The following GLCCI1 variants were observed in gnomAD, a reference collection of about 807,000 sequenced individuals.
GLCCI1 encodes glucocorticoid-induced transcript 1 protein.
Under a neutral mutation model 52.2 loss-of-function variants are expected in GLCCI1, and 24 were observed. The observed-to-expected ratio is 0.46, with a 90% CI of 0.33 to 0.65. The LOEUF is 0.65. Ranked by LOEUF, GLCCI1 falls within the 30% of genes least tolerant of loss-of-function variation. The probability of loss-of-function intolerance (pLI) is 0.02; values close to 1 mark genes in which losing one functional copy is unlikely to be tolerated. For missense variants in GLCCI1, 704 were observed against 701.5 expected, an observed-to-expected ratio of 1.00 and a Z score of -0.04; for synonymous variants, 310 against 276.5, an observed-to-expected ratio of 1.12 and a Z score of -1.20.
chr7:8,040,689 A>G (rs1781978080), intron 3 of GLCCI1, among the ~76,000 whole-genome samples: 1 of 152,208 alleles, frequency 6.6e-6, no homozygotes, highest in African/African-American at 2.4e-5. Flanking sequence ...TAGTTTCTCA[A>G]AAAGGTAAAC....
chr7:8,018,859 C>A (rs1781428025), intron 2 of GLCCI1, among the ~76,000 whole-genome samples: 2 of 152,036 alleles, frequency 1.3e-5, no homozygotes, highest in African/African-American at 2.4e-5. Context: ...CTTTTAACAC[C>A]AAAGGCATGG....
At chr7:8,013,101 G>A (rs1253295586) in intron 2 of GLCCI1, among the ~76,000 whole-genome samples, 1 of 152,132 alleles carries the variant, frequency 6.6e-6, no homozygotes, top group East Asian at 1.9e-4. Flanking sequence ...TTTATTTCTG[G>A]CTGCTGTATT....
At chr7:8,073,634 T>C (rs573220181) in intron 6 of GLCCI1, among the ~76,000 whole-genome samples, 5 of 152,334 alleles carry the variant, frequency 3.3e-5, no homozygotes, top group African/African-American at 1.2e-4. Context: ...TCATTGAGGT[T>C]ACATGAGATA....
Position 7,986,299 on chromosome 7 carries a change from T to G in GLCCI1, c.457+16492T>G, listed in dbSNP as rs185635633. Among the ~76,000 whole-genome samples the G allele has an allele frequency of 8.7e-3, 1,319 of 151,938 alleles. 20 individuals are homozygous for G. Among genetic ancestry groups the G allele is most frequent in the African/African-American group, 0.03 (1,234 of 41,422 alleles). ...AGGCTGAGGCAGGCGGATCATGAGG[T>G]CAGGAGATGAAGACTATCCTGGCTA... On this transcript the variant is annotated intron_variant, in intron 1 of 7. Transcript: ENST00000223145.
rs112047406 is a variant in GLCCI1 at position 8,053,339 on chromosome 7, G to GTTT, written c.697-2092_697-2090dup. On this transcript the variant is annotated intron_variant, in intron 3 of 7. Transcript: ENST00000223145. ...CGTTTTTTTTTTTGTTTGTTTGTTT[G>GTTT]TTTTGAGACAGTCTCGCACTGTCGC... Among the ~76,000 whole-genome samples the GTTT allele has an allele frequency of 2.1e-4, 28 of 134,400 alleles. 2 individuals are homozygous for GTTT. Among genetic ancestry groups the GTTT allele is most frequent in the Non-Finnish European group, 3.0e-4 (19 of 64,066 alleles). 88.2% of individuals were successfully genotyped at this position (134,400 alleles called of 152,430 possible).
intron 3 of GLCCI1, among the ~76,000 whole-genome samples, chr7:8,031,085 C>T (rs1025243285): frequency 2.6e-5 from 4 of 152,136 alleles, no homozygotes; most frequent in Non-Finnish European, 5.9e-5. Flanking sequence ...GATATCTGCA[C>T]TCCTATGTTT....
intron 3 of GLCCI1, among the ~76,000 whole-genome samples, chr7:8,052,948 A>C (rs1337582446): frequency 6.6e-6 from 1 of 152,136 alleles, no homozygotes. Flanking sequence ...TGTCTTCTTC[A>C]GTCCTTGAGG....
intron 1 of GLCCI1, among the ~76,000 whole-genome samples, chr7:7,978,675 T>G (rs1780548409): frequency 6.6e-6 from 1 of 152,148 alleles, no homozygotes; most frequent in Non-Finnish European, 1.5e-5. Flanking sequence ...TGGATAAAGT[T>G]TCTCATAACA....
intron 1 of GLCCI1, among the ~76,000 whole-genome samples, chr7:7,985,300 G>C (rs956345481): frequency 6.6e-6 from 1 of 152,058 alleles, no homozygotes; most frequent in Non-Finnish European, 1.5e-5. Flanking sequence ...AATAGCATGC[G>C]CACCCTAAAG....
chr7:8,001,269 A>G (rs1781044767), intron 1 of GLCCI1, among the ~76,000 whole-genome samples: 1 of 152,200 alleles, frequency 6.6e-6, no homozygotes, highest in Non-Finnish European at 1.5e-5. Flanking sequence ...GCTTATCTGT[A>G]AAGAATTTTA....
chr7:7,997,946 TA>T (rs2115421924), intron 1 of GLCCI1, among the ~76,000 whole-genome samples: 1 of 145,188 alleles, frequency 6.9e-6, no homozygotes, highest in East Asian at 2.0e-4. Context: ...AATAAATAAA[TA>T]AATAAATAAA....
chr7:8,075,428 C>T (rs1329605412), intron 6 of GLCCI1, among the ~76,000 whole-genome samples: 3 of 152,216 alleles, frequency 2.0e-5, no homozygotes, highest in African/African-American at 7.2e-5. Context: ...TGAGAGCACT[C>T]ATCTTGACAT....
chr7:8,071,787 G>T (rs1408709756), intron 6 of GLCCI1, among the ~76,000 whole-genome samples: 3 of 152,112 alleles, frequency 2.0e-5, no homozygotes, highest in Non-Finnish European at 4.4e-5. Context: ...CATATAGACT[G>T]CCCAGCTTCT....
chr7:7,989,658 G>A (rs942552950), intron 1 of GLCCI1, among the ~76,000 whole-genome samples: 2 of 152,050 alleles, frequency 1.3e-5, no homozygotes, highest in African/African-American at 2.4e-5. Flanking sequence ...CATAGTAAAG[G>A]CTAAGGAGAC....
rs745966016 is a variant in GLCCI1 at position 8,088,954 on chromosome 7, G to A, written c.*2416G>A. 13 of 152,690 alleles carry A rather than the reference G, an allele frequency of 8.5e-5. No individual in the cohort carries two copies. In the East Asian group the frequency reaches 1.5e-3, roughly 18 times the overall value. 9.5% of individuals were successfully genotyped at this position (152,690 alleles called of 1,614,324 possible). ...TGTACTGTTTAATTCTAGCCATTGC[G>A]CTGAACAGTATTTGAGTTACCATAT... On this transcript the variant is annotated 3_prime_UTR_variant, in exon 8 of 8. Coordinates refer to ENST00000223145, the MANE Select transcript of GLCCI1 (RefSeq NM_138426.4).
chr7:7,980,579 GA>G, intron 1 of GLCCI1: 1 of 617,728 alleles, frequency 1.6e-6, no homozygotes, highest in Middle Eastern at 2.7e-4. Context: ...GGTCATGGAG[GA>G]GAGTCTATTT....
At chr7:8,033,985 A>G (rs1781812453) in intron 3 of GLCCI1, among the ~76,000 whole-genome samples, 1 of 152,166 alleles carries the variant, frequency 6.6e-6, no homozygotes, top group Admixed American at 6.5e-5. Context: ...GTAGAATTAT[A>G]TTACACTATT....
At chr7:7,978,275 C>T (rs1468867498) in intron 1 of GLCCI1, among the ~76,000 whole-genome samples, 1 of 152,116 alleles carries the variant, frequency 6.6e-6, no homozygotes, top group Non-Finnish European at 1.5e-5. Flanking sequence ...TTTAAAAAAT[C>T]TGCCCATTTG....
chr7:8,018,736 G>C (rs537066559), intron 2 of GLCCI1, among the ~76,000 whole-genome samples: 1 of 151,998 alleles, frequency 6.6e-6, no homozygotes, highest in African/African-American at 2.4e-5. Context: ...CTTACAGATA[G>C]GTTTTAGTTC....
Sources: allele counts gnomAD v4.1 joint callset (sites outside exome capture counted in the v4.1 genomes callset), GRCh38; gene constraint gnomAD v4.1.1; transcripts MANE v1.5; gene names NCBI Gene and HGNC (gene_info 2026-07-23, HGNC 2026-07-21).